GRIA1: variants seen among roughly 807,000 people sequenced by gnomAD.
GRIA1 encodes glutamate ionotropic receptor AMPA type subunit 1.
GRIA1 carries 31 observed loss-of-function variants against 99.2 expected under a neutral mutation model. The ratio of observed to expected loss-of-function variants is 0.31; its 90% confidence interval spans 0.23 to 0.42. The LOEUF (loss-of-function observed/expected upper bound fraction) is 0.42, where lower values mean the gene tolerates loss of function less well. GRIA1 is among the 10% of genes least tolerant of loss of function. The pLI, the probability that GRIA1 is intolerant of heterozygous loss-of-function variation, is 1.00. For missense variants in GRIA1, 782 were observed against 1,157.5 expected (o/e 0.68, Z 4.71); for synonymous variants, 438 against 432.4 (o/e 1.01, Z -0.16).
chr5:153,811,077 C>T lies in GRIA1; in HGVS notation c.2573C>T (p.Thr858Ile), dbSNP rs1181947246. Residue 858 changes from threonine to isoleucine, a missense_variant, in exon 16 of 16, where the codon ACC becomes ATC. By Grantham distance (89) the Thr-to-Ile change is moderately conservative. Coordinates refer to ENST00000285900, the MANE Select transcript of GRIA1 (RefSeq NM_000827.4). ...ATCAACGAAGCCATACGGACATCGA[C>T]CCTCCCCCGCAACAGCGGGGCAGGA... ...QSINEAIRTS[T>I]LPRNSGAGAS... 1 of 1,614,130 alleles carries T rather than the reference C, an allele frequency of 6.2e-7. No individual in the cohort carries two copies. The highest frequency in any genetic ancestry group is 1.7e-5 in the Admixed American group (1 of 60,032).
intron 2 of GRIA1, chr5:153,558,010 G>A (rs1760804621): frequency 6.6e-6 from 1 of 152,138 alleles, no homozygotes; most frequent in Non-Finnish European, 1.5e-5. Context: ...CAAGTATTAT[G>A]TACTGTACAT....
intron 2 of GRIA1, among the ~76,000 whole-genome samples, chr5:153,599,385 C>T (rs1764697664): frequency 6.6e-6 from 1 of 152,152 alleles, no homozygotes; most frequent in South Asian, 2.1e-4. Context: ...TTGCTGATGG[C>T]ACTTAGACAG....
At chr5:153,504,088 T>C (rs1755259534) in intron 2 of GRIA1, among the ~76,000 whole-genome samples, 2 of 152,132 alleles carry the variant, frequency 1.3e-5, no homozygotes, top group African/African-American at 4.8e-5. Context: ...TTAGGACACA[T>C]GCTCATTTCT....
At chr5:153,775,683 A>T (rs974421764) in intron 13 of GRIA1, among the ~76,000 whole-genome samples, 1 of 151,912 alleles carries the variant, frequency 6.6e-6, no homozygotes, top group Non-Finnish European at 1.5e-5. Flanking sequence ...GCATCATCAA[A>T]TACAGCTCAT....
chr5:153,739,226 A>G (rs913804327), intron 11 of GRIA1, among the ~76,000 whole-genome samples: 3 of 152,158 alleles, frequency 2.0e-5, no homozygotes, highest in East Asian at 1.9e-4. Context: ...ATCTCATTGT[A>G]TCACCTCTGC....
chr5:153,768,743 T>C (rs549458483), intron 12 of GRIA1, among the ~76,000 whole-genome samples: 1 of 152,318 alleles, frequency 6.6e-6, no homozygotes, highest in East Asian at 1.9e-4. Flanking sequence ...TGTATAATGA[T>C]AATTTTATAT....
intron 2 of GRIA1, among the ~76,000 whole-genome samples, chr5:153,571,496 T>C (rs1762118003): frequency 6.6e-6 from 1 of 152,214 alleles, no homozygotes. Context: ...GAATTTCATA[T>C]AATTTTCATG....
chr5:153,683,434 T>C (rs1757125149), intron 7 of GRIA1, among the ~76,000 whole-genome samples: 1 of 152,172 alleles, frequency 6.6e-6, no homozygotes, highest in South Asian at 2.1e-4. Context: ...CGCCATCAGC[T>C]CTGAGTCTCA....
rs150824080 is a variant in GRIA1 at position 153,647,751 on chromosome 5, G to C, written c.460+584G>C. On this transcript the variant is annotated intron_variant, in intron 3 of 15. Transcript: ENST00000285900. ...CATCATAATCTTCATCCTTCTCTGG[G>C]CTTTCTAATTCTTCCTCCTTTGAAT... Among the ~76,000 whole-genome samples the C allele has an allele frequency of 8.3e-3, 1,263 of 152,120 alleles. 19 individuals are homozygous for C. The highest frequency in any genetic ancestry group is 0.029 in the African/African-American group (1,206 of 41,504).
At chr5:153,578,645 A>G (rs1340861581) in intron 2 of GRIA1, among the ~76,000 whole-genome samples, 2 of 152,224 alleles carry the variant, frequency 1.3e-5, no homozygotes, top group African/African-American at 4.8e-5. Flanking sequence ...GCGGTGGCTC[A>G]TGCCTGTAAT....
chr5:153,619,375 C>T (rs977527026), intron 2 of GRIA1, among the ~76,000 whole-genome samples: 5 of 151,942 alleles, frequency 3.3e-5, no homozygotes, highest in Non-Finnish European at 7.4e-5. Flanking sequence ...TTGAGAAGTC[C>T]GAAGATCTTA....
chr5:153,803,092 A>T (rs149412589), intron 15 of GRIA1, among the ~76,000 whole-genome samples: 3 of 152,348 alleles, frequency 2.0e-5, no homozygotes, highest in African/African-American at 7.2e-5. Context: ...TGGAAAAAGA[A>T]AACAGGCTAG....
At chr5:153,609,483 A>G (rs1363158620) in intron 2 of GRIA1, among the ~76,000 whole-genome samples, 2 of 151,376 alleles carry the variant, frequency 1.3e-5, no homozygotes, top group African/African-American at 4.9e-5. Flanking sequence ...ACATTCTCCC[A>G]CAATGTCCAG....
intron 11 of GRIA1, among the ~76,000 whole-genome samples, chr5:153,716,823 G>C (rs1759696967): frequency 6.6e-6 from 1 of 152,204 alleles, no homozygotes; most frequent in African/African-American, 2.4e-5. Context: ...TTGTGACTGT[G>C]AGAGAGATCT....
At chr5:153,579,272 A>G (rs1762839581) in intron 2 of GRIA1, among the ~76,000 whole-genome samples, 1 of 152,322 alleles carries the variant, frequency 6.6e-6, no homozygotes, top group Admixed American at 6.5e-5. Context: ...GATACTTTAT[A>G]TTTATGTTCA....
intron 2 of GRIA1, among the ~76,000 whole-genome samples, chr5:153,556,411 T>A (rs753090685): frequency 2.0e-5 from 3 of 152,194 alleles, no homozygotes; most frequent in African/African-American, 4.8e-5. Flanking sequence ...AAGCTAAATA[T>A]TCCCTGAAGC....
intron 2 of GRIA1, among the ~76,000 whole-genome samples, chr5:153,513,991 C>A (rs1756360071): frequency 6.6e-6 from 1 of 152,188 alleles, no homozygotes; most frequent in African/African-American, 2.4e-5. Context: ...ATTTTGCAGT[C>A]TCCCCCAAAC....
intron 2 of GRIA1, among the ~76,000 whole-genome samples, chr5:153,515,787 TC>T (rs1317647023): frequency 1.3e-5 from 2 of 152,218 alleles, no homozygotes; most frequent in Non-Finnish European, 2.9e-5. Context: ...TCTTGCTGAA[TC>T]CCACATGTCT....
At chr5:153,720,110 A>G (rs1310012156) in intron 11 of GRIA1, among the ~76,000 whole-genome samples, 5 of 152,238 alleles carry the variant, frequency 3.3e-5, no homozygotes, top group Non-Finnish European at 5.9e-5. Context: ...CTTAAAATAC[A>G]TATAGTTTCT....
Sources: gnomAD v4.1 joint callset for allele counts (sites outside exome capture counted in the v4.1 genomes callset) on GRCh38, gnomAD v4.1.1 for gene constraint, MANE v1.5 for transcripts, NCBI Gene and HGNC (gene_info 2026-07-23, HGNC 2026-07-21) for gene names.